The following CAB39L variants were observed in gnomAD, a reference collection of about 807,000 sequenced individuals.
CAB39L encodes calcium-binding protein 39-like.
CAB39L carries 23 observed loss-of-function variants against 39.1 expected under a neutral mutation model. The ratio of observed to expected loss-of-function variants is 0.59; its 90% confidence interval spans 0.42 to 0.83. CAB39L has a LOEUF of 0.83. CAB39L is among the 40% of genes least tolerant of loss of function. The probability of loss-of-function intolerance (pLI) is 0.00; values close to 1 mark genes in which losing one functional copy is unlikely to be tolerated. For missense variants in CAB39L, 366 were observed against 391.9 expected, an observed-to-expected ratio of 0.93 and a Z score of 0.56; for synonymous variants, 126 against 137.2, an observed-to-expected ratio of 0.92 and a Z score of 0.57.
intron 10 of CAB39L, among the ~76,000 whole-genome samples, chr13:49,327,193 G>A (rs1954528824): frequency 6.6e-6 from 1 of 151,792 alleles, no homozygotes; most frequent in Non-Finnish European, 1.5e-5. Flanking sequence ...TACAGATATA[G>A]TTGAAGGCTA....
chr13:49,347,331 T>G (rs1955210207), intron 7 of CAB39L, among the ~76,000 whole-genome samples: 1 of 152,222 alleles, frequency 6.6e-6, no homozygotes, highest in African/African-American at 2.4e-5. Flanking sequence ...GCTGAATATA[T>G]GACAGCAAGA....
chr13:49,361,477 C>CAAAAAAAAAAAAAAAA (rs33984866), intron 5 of CAB39L, among the ~76,000 whole-genome samples: 7 of 54,450 alleles, frequency 1.3e-4, no homozygotes, highest in Non-Finnish European at 1.5e-4. Flanking sequence ...GACTTCATCT[C>CAAAAAAAAAAAAAAAA]AAAAAAAAAA....
intron 5 of CAB39L, among the ~76,000 whole-genome samples, chr13:49,367,652 C>T (rs2138530554): frequency 6.6e-6 from 1 of 152,304 alleles, no homozygotes; most frequent in Non-Finnish European, 1.5e-5. Context: ...CACGGTGGCT[C>T]ATGCCTGTAA....
At chr13:49,320,267 C>A (rs1283944373) in intron 10 of CAB39L, among the ~76,000 whole-genome samples, 1 of 152,002 alleles carries the variant, frequency 6.6e-6, no homozygotes, top group East Asian at 1.9e-4. Context: ...CTTTGTTGTC[C>A]CTGTTTTTTA....
chr13:49,340,098 T>A (rs930729805), intron 8 of CAB39L, among the ~76,000 whole-genome samples: 7 of 152,204 alleles, frequency 4.6e-5, no homozygotes, highest in Non-Finnish European at 1.0e-4. Flanking sequence ...TGGGAAAATA[T>A]TAAATACACT....
Position 49,308,696 on chromosome 13 carries a change from T to C in CAB39L, c.*2118A>G, listed in dbSNP as rs1269481913. On this transcript the variant is annotated 3_prime_UTR_variant, in exon 11 of 11. Coordinates refer to ENST00000409308, the MANE Select transcript of CAB39L (RefSeq NM_001079670.3). ...TCAGTCTTCATTTAAATGTGTGCTTTTGAAATCACTAAATATGACCTTTTC... is the reference window on the plus strand; with the variant it reads ...TCAGTCTTCATTTAAATGTGTGCTTCTGAAATCACTAAATATGACCTTTTC... 6.6e-6 allele frequency: 1 copy of C among 152,624 alleles called. No individual in the cohort carries two copies. The highest frequency in any genetic ancestry group is 2.4e-5 in the African/African-American group (1 of 41,454). 9.5% of individuals were successfully genotyped at this position (152,624 alleles called of 1,614,324 possible).
chr13:49,371,274 T>G (rs7998955), intron 5 of CAB39L, among the ~76,000 whole-genome samples: 82,059 of 150,270 alleles, frequency 0.55, 23,745 homozygotes, highest in African/African-American at 0.72. Context: ...TGCAACCTCC[T>G]CCTCCTGGGT....
intron 10 of CAB39L, among the ~76,000 whole-genome samples, chr13:49,311,231 T>C (rs913216903): frequency 6.6e-6 from 1 of 152,168 alleles, no homozygotes; most frequent in African/African-American, 2.4e-5. Context: ...CATAGCACCA[T>C]AATGGAGCTG....
chr13:49,397,359 A>G (rs968943240), intron 3 of CAB39L, among the ~76,000 whole-genome samples: 8 of 152,244 alleles, frequency 5.3e-5, no homozygotes, highest in Middle Eastern at 6.8e-3. Flanking sequence ...AAAATGGGCA[A>G]TTTACACAGA....
chr13:49,423,268 C>T (rs1025771270), intron 3 of CAB39L, among the ~76,000 whole-genome samples: 3 of 152,180 alleles, frequency 2.0e-5, no homozygotes, highest in Non-Finnish European at 2.9e-5. Flanking sequence ...CCCCAGGGGA[C>T]GTTGATTCTG....
At chr13:49,384,334 T>C (rs1244792563) in intron 3 of CAB39L, among the ~76,000 whole-genome samples, 1 of 152,216 alleles carries the variant, frequency 6.6e-6, no homozygotes, top group Non-Finnish European at 1.5e-5. Context: ...TTAATTCTTG[T>C]TCCCTTGTTA....
intron 3 of CAB39L, among the ~76,000 whole-genome samples, chr13:49,404,940 C>A (rs1956840804): frequency 6.6e-6 from 1 of 151,958 alleles, no homozygotes. Flanking sequence ...TAGAAAATAG[C>A]CTCAAAATGG....
At chr13:49,391,750 A>C (rs567081435) in intron 3 of CAB39L, among the ~76,000 whole-genome samples, 1 of 152,282 alleles carries the variant, frequency 6.6e-6, no homozygotes, top group Admixed American at 6.5e-5. Flanking sequence ...TGCAACCACC[A>C]GAAGGGGGAA....
intron 3 of CAB39L, among the ~76,000 whole-genome samples, chr13:49,407,534 T>TC (rs138151369): frequency 0.014 from 2,074 of 150,118 alleles, 54 homozygotes; most frequent in African/African-American, 0.048. Flanking sequence ...TTTGTCATGA[T>TC]CCCCCCCCAA....
intron 3 of CAB39L, among the ~76,000 whole-genome samples, chr13:49,390,854 A>T (rs1290765665): frequency 2.0e-5 from 3 of 152,346 alleles, no homozygotes; most frequent in Non-Finnish European, 4.4e-5. Context: ...AAAAGTTGGA[A>T]ATATACAGGG....
chr13:49,339,876 A>G, intron 8 of CAB39L, 134 bp from the exon 9 acceptor site: 1 of 1,089,994 alleles, frequency 9.2e-7, no homozygotes, highest in East Asian at 3.4e-5. Flanking sequence ...ATGTGAAGAC[A>G]CTGGGGGACA....
At chr13:49,440,612 GGA>G (rs1957496421) in intron 1 of CAB39L, among the ~76,000 whole-genome samples, 1 of 151,812 alleles carries the variant, frequency 6.6e-6, no homozygotes, top group Non-Finnish European at 1.5e-5. Context: ...CCATGAGCAT[GGA>G]GTGTTTTTCC....
chr13:49,356,551 T>C (rs1314331014), intron 6 of CAB39L, among the ~76,000 whole-genome samples: 1 of 152,270 alleles, frequency 6.6e-6, no homozygotes, highest in African/African-American at 2.4e-5. Flanking sequence ...TTCTCTTTGA[T>C]ACACAAGTAT....
intron 3 of CAB39L, among the ~76,000 whole-genome samples, chr13:49,411,942 T>C (rs975597542): frequency 6.6e-6 from 1 of 152,166 alleles, no homozygotes; most frequent in Non-Finnish European, 1.5e-5. Context: ...CTATGTAAAC[T>C]GCATGACTGT....
Sources: gnomAD v4.1 joint callset for allele counts (sites outside exome capture counted in the v4.1 genomes callset) on GRCh38, gnomAD v4.1.1 for gene constraint, MANE v1.5 for transcripts, NCBI Gene and HGNC (gene_info 2026-07-23, HGNC 2026-07-21) for gene names.